ROBO1: variants seen among roughly 807,000 people sequenced by gnomAD.
ROBO1 encodes the protein roundabout guidance receptor 1, also known as roundabout homolog 1.
ROBO1 carries 149 observed loss-of-function variants against 195.9 expected under a neutral mutation model. The observed-to-expected ratio is 0.76, with a 90% CI of 0.67 to 0.87. The LOEUF is 0.87. Among genes scored for constraint, ROBO1 ranks in the 40% least tolerant of loss-of-function variants. ROBO1 has a pLI of 0.00. For missense variants in ROBO1, 1,933 were observed against 2,068.3 expected, an observed-to-expected ratio of 0.93 and a Z score of 1.27; for synonymous variants, 816 against 733.2, an observed-to-expected ratio of 1.11 and a Z score of -1.82.
rs751987014 is a variant in ROBO1 at position 79,125,499 on chromosome 3, T to G, written c.129A>C (p.Pro43=). ...DVERGNDHGT[P]IPTSDNDDNS... is the part of the protein sequence containing the mutation. ...TGTCATCGTTATCAGAGGTGGGGAT[T>G]GGCGTCCCGTGGTCGTTCCCCCTCT... Residue 43 remains proline (P), a synonymous_variant, in exon 3 of 31, where the codon CCA becomes CCC. Transcript: ENST00000464233. 2 of 1,613,590 alleles carry G rather than the reference T, an allele frequency of 1.2e-6. No homozygotes were observed. The highest frequency in any genetic ancestry group is 2.7e-5 in the African/African-American group (2 of 74,918).
intron 3 of ROBO1, among the ~76,000 whole-genome samples, chr3:79,029,751 T>G (rs1272974815): frequency 6.6e-6 from 1 of 152,212 alleles, no homozygotes; most frequent in African/African-American, 2.4e-5. Flanking sequence ...CAAAGTCTCT[T>G]CCTCAGGAAA....
chr3:79,129,418 G>A (rs1302838614), intron 2 of ROBO1, among the ~76,000 whole-genome samples: 1 of 151,816 alleles, frequency 6.6e-6, no homozygotes, highest in African/African-American at 2.4e-5. Context: ...ACATAAATTA[G>A]TAATTACATA....
At chr3:78,766,994 C>T (rs1387524343) in intron 4 of ROBO1, among the ~76,000 whole-genome samples, 1 of 152,082 alleles carries the variant, frequency 6.6e-6, no homozygotes, top group Non-Finnish European at 1.5e-5. Context: ...GATTATCTGT[C>T]GGACATGTTG....
intron 4 of ROBO1, among the ~76,000 whole-genome samples, chr3:78,886,206 G>A (rs890995958): frequency 8.6e-5 from 13 of 151,810 alleles, no homozygotes; most frequent in Admixed American, 2.0e-4. Flanking sequence ...GAAACAATAC[G>A]AAAATAAGCT....
chr3:78,906,084 T>C (rs2107506932), intron 4 of ROBO1, among the ~76,000 whole-genome samples: 1 of 152,292 alleles, frequency 6.6e-6, no homozygotes, highest in East Asian at 1.9e-4. Flanking sequence ...TTTATATATA[T>C]TGCTATTGCT....
intron 4 of ROBO1, among the ~76,000 whole-genome samples, chr3:78,883,779 A>G (rs562100855): frequency 6.6e-6 from 1 of 152,316 alleles, no homozygotes; most frequent in South Asian, 2.1e-4. Context: ...ATCCATCTAA[A>G]GACCTACTTT....
At chr3:79,195,275 T>A (rs1386366999) in intron 2 of ROBO1, among the ~76,000 whole-genome samples, 1 of 151,684 alleles carries the variant, frequency 6.6e-6, no homozygotes, top group Non-Finnish European at 1.5e-5. Flanking sequence ...AATAGAATGC[T>A]GGGCATATAG....
At chr3:78,762,771 TTACTAATC>T in intron 4 of ROBO1, among the ~76,000 whole-genome samples, 1 of 152,180 alleles carries the variant, frequency 6.6e-6, no homozygotes, top group South Asian at 2.1e-4. Context: ...TTTATTGTCT[TTACTAATC>T]AAACTATGCT....
At chr3:79,736,218 T>C (rs1170706286) in intron 1 of ROBO1, among the ~76,000 whole-genome samples, 1 of 152,022 alleles carries the variant, frequency 6.6e-6, no homozygotes, top group East Asian at 1.9e-4. Flanking sequence ...AGACTGAAGG[T>C]GTAACGGAGC....
At chr3:79,529,451 T>C (rs1234920992) in intron 2 of ROBO1, among the ~76,000 whole-genome samples, 1 of 152,214 alleles carries the variant, frequency 6.6e-6, no homozygotes, top group Non-Finnish European at 1.5e-5. Context: ...CACTCCAGCC[T>C]GGGCGACAGA....
intron 3 of ROBO1, among the ~76,000 whole-genome samples, chr3:79,028,185 A>G (rs1461445341): frequency 1.3e-5 from 2 of 152,052 alleles, no homozygotes; most frequent in African/African-American, 4.8e-5. Flanking sequence ...GAGCATTTGG[A>G]AACTGCCAGC....
intron 2 of ROBO1, among the ~76,000 whole-genome samples, chr3:79,306,223 G>A (rs1196477605): frequency 6.6e-6 from 1 of 152,146 alleles, no homozygotes; most frequent in Non-Finnish European, 1.5e-5. Flanking sequence ...CAAAACAGCT[G>A]TAAAAGTTCT....
intron 4 of ROBO1, among the ~76,000 whole-genome samples, chr3:78,772,833 T>C (rs544038424): frequency 4.6e-5 from 7 of 152,006 alleles, no homozygotes; most frequent in Non-Finnish European, 8.8e-5. Flanking sequence ...ATTTTACAAA[T>C]AAAGAAATTG....
intron 5 of ROBO1, among the ~76,000 whole-genome samples, chr3:78,741,751 C>T (rs2082539061): frequency 6.6e-6 from 1 of 152,066 alleles, no homozygotes; most frequent in African/African-American, 2.4e-5. Flanking sequence ...AAGTCTCAAA[C>T]ACATGAAGTA....
At chr3:79,263,152 C>T (rs116121566) in intron 2 of ROBO1, among the ~76,000 whole-genome samples, 336 of 152,160 alleles carry the variant, frequency 2.2e-3, no homozygotes, top group Non-Finnish European at 3.7e-3. Context: ...ATGAAATCTG[C>T]GCTCTCAACT....
At chr3:79,575,136 TAACA>T (rs1411427934) in intron 2 of ROBO1, among the ~76,000 whole-genome samples, 1 of 84,056 alleles carries the variant, frequency 1.2e-5, no homozygotes, top group Non-Finnish European at 2.1e-5. Flanking sequence ...TAAATATATA[TAACA>T]AATATATAAA....
At chr3:79,067,947 G>A (rs1242814523) in intron 3 of ROBO1, among the ~76,000 whole-genome samples, 1 of 151,830 alleles carries the variant, frequency 6.6e-6, no homozygotes, top group African/African-American at 2.4e-5. Flanking sequence ...CTGGCTGTTG[G>A]CCACAGGTTT....
At chr3:79,514,625 A>T (rs2107553214) in intron 2 of ROBO1, among the ~76,000 whole-genome samples, 1 of 152,272 alleles carries the variant, frequency 6.6e-6, no homozygotes, top group South Asian at 2.1e-4. Context: ...ACAAGGAGTC[A>T]AGTGTTACAG....
chr3:79,206,781 G>A (rs968912829), intron 2 of ROBO1, among the ~76,000 whole-genome samples: 1 of 152,064 alleles, frequency 6.6e-6, no homozygotes, highest in Non-Finnish European at 1.5e-5. Context: ...GAAAGAAAAG[G>A]CAGTCTTCCT....
Sources: allele counts gnomAD v4.1 joint callset (sites outside exome capture counted in the v4.1 genomes callset), GRCh38; gene constraint gnomAD v4.1.1; transcripts MANE v1.5; gene names NCBI Gene and HGNC (gene_info 2026-07-23, HGNC 2026-07-21).